The following ESRRB variants were observed in gnomAD, a reference collection of about 807,000 sequenced individuals.
ESRRB encodes the protein steroid hormone receptor ERR2.
ESRRB carries 16 observed loss-of-function variants against 46.0 expected under a neutral mutation model. The observed-to-expected ratio is 0.35, with a 90% CI of 0.24 to 0.53. ESRRB has a LOEUF of 0.53. Ranked by LOEUF, ESRRB falls within the 20% of genes least tolerant of loss-of-function variation. The pLI is 0.93. For synonymous variants in ESRRB, 246 were observed against 259.6 expected, an observed-to-expected ratio of 0.95 and a Z score of 0.50; for missense variants, 488 against 607.4, an observed-to-expected ratio of 0.80 and a Z score of 2.07.
intron 1 of ESRRB, among the ~76,000 whole-genome samples, chr14:76,413,984 G>T (rs1886564127): frequency 2.4e-5 from 1 of 41,632 alleles, no homozygotes; most frequent in Non-Finnish European, 4.3e-5. Context: ...CCCCTGCACC[G>T]TCCGCCGCCC....
intron 1 of ESRRB, among the ~76,000 whole-genome samples, chr14:76,329,868 T>G (rs1190783177): frequency 6.7e-6 from 1 of 150,216 alleles, no homozygotes; most frequent in African/African-American, 2.4e-5. Flanking sequence ...CGGCTAGGGA[T>G]GTGCGGGGGG....
rs372109902 is a variant in ESRRB at position 76,429,440 on chromosome 14, C to T, written c.51-9901C>T. 5.9e-5 allele frequency among the ~76,000 whole-genome samples: 9 copies of T among 152,238 alleles called. No individual in the cohort carries two copies. In the East Asian group the frequency reaches 1.5e-3, roughly 26 times the overall value. On this transcript the variant is annotated intron_variant, in intron 1 of 6. Transcript: ENST00000644823. ...ATCACACAGGAGTGATTAAAAAAAA[C>T]ACCATCTATTAATAAAATAGGCAGT...
chr14:76,459,556 G>A (rs73318395), intron 2 of ESRRB, among the ~76,000 whole-genome samples: 13,399 of 151,126 alleles, frequency 0.089, 693 homozygotes, highest in African/African-American at 0.14. Context: ...GCTGCAGAGA[G>A]AGGGTGGGCC....
chr14:76,488,471 A>G (rs1890100552), intron 5 of ESRRB, among the ~76,000 whole-genome samples: 1 of 152,188 alleles, frequency 6.6e-6, no homozygotes, highest in African/African-American at 2.4e-5. Flanking sequence ...CAAGATAGGC[A>G]AAGGCAGCTA....
At chr14:76,362,870 T>C (rs1234400464) in intron 1 of ESRRB, among the ~76,000 whole-genome samples, 1 of 152,218 alleles carries the variant, frequency 6.6e-6, no homozygotes, top group East Asian at 1.9e-4. Flanking sequence ...CAGTTTCAAC[T>C]GAAGAATGAC....
chr14:76,386,454 A>ATTT (rs10573960), intron 1 of ESRRB, among the ~76,000 whole-genome samples: 3 of 112,880 alleles, frequency 2.7e-5, no homozygotes, highest in Non-Finnish European at 3.6e-5. Flanking sequence ...CGGTTTTTTA[A>ATTT]TTTTTTTTTT....
intron 1 of ESRRB, among the ~76,000 whole-genome samples, chr14:76,420,349 G>A (rs1286929149): frequency 6.6e-6 from 1 of 152,148 alleles, no homozygotes; most frequent in Non-Finnish European, 1.5e-5. Flanking sequence ...CTGTCTCTAG[G>A]ACACACAGCT....
intron 1 of ESRRB, among the ~76,000 whole-genome samples, chr14:76,360,003 TA>T (rs1884443889): frequency 6.6e-6 from 1 of 152,040 alleles, no homozygotes; most frequent in Non-Finnish European, 1.5e-5. Context: ...CTGACTTCTG[TA>T]AAGGGGCATA....
intron 3 of ESRRB, among the ~76,000 whole-genome samples, chr14:76,468,716 G>A (rs982418189): frequency 1.3e-5 from 2 of 152,014 alleles, no homozygotes; most frequent in Non-Finnish European, 2.9e-5. Context: ...AATCATAATA[G>A]TGCCTATCTT....
At chr14:76,460,724 G>A (rs1372483730) in intron 2 of ESRRB, among the ~76,000 whole-genome samples, 2 of 77,022 alleles carry the variant, frequency 2.6e-5, no homozygotes, top group East Asian at 4.9e-4. Flanking sequence ...TTTTTGAGAC[G>A]GAGTTTTGCT....
chr14:76,341,937 G>A (rs1057195789), intron 1 of ESRRB, among the ~76,000 whole-genome samples: 4 of 152,216 alleles, frequency 2.6e-5, no homozygotes, highest in African/African-American at 7.2e-5. Flanking sequence ...GGAGTTGGAG[G>A]TGGTACTCTG....
chr14:76,495,067 TACAC>T (rs1448353222), intron 6 of ESRRB, among the ~76,000 whole-genome samples: 2 of 146,706 alleles, frequency 1.4e-5, no homozygotes, highest in African/African-American at 5.0e-5. Context: ...TGCACATACA[TACAC>T]ACCCACACAT....
intron 2 of ESRRB, among the ~76,000 whole-genome samples, chr14:76,441,676 C>T (rs1887929450): frequency 6.6e-6 from 1 of 152,172 alleles, no homozygotes; most frequent in African/African-American, 2.4e-5. Flanking sequence ...TTCAGTTAGT[C>T]AAGTATCTGT....
At chr14:76,377,264 A>G (rs1335546686) in intron 1 of ESRRB, among the ~76,000 whole-genome samples, 1 of 152,198 alleles carries the variant, frequency 6.6e-6, no homozygotes, top group Non-Finnish European at 1.5e-5. Flanking sequence ...GCGCGCCAAG[A>G]GCGCAGAGTG....
At chr14:76,315,790 T>C (rs1174658054) in intron 1 of ESRRB, among the ~76,000 whole-genome samples, 1 of 152,192 alleles carries the variant, frequency 6.6e-6, no homozygotes, top group African/African-American at 2.4e-5. Context: ...GGCTATTCCA[T>C]GAGGAAGCCC....
At chr14:76,362,222 G>C (rs1884472870) in intron 1 of ESRRB, among the ~76,000 whole-genome samples, 1 of 152,208 alleles carries the variant, frequency 6.6e-6, no homozygotes, top group African/African-American at 2.4e-5. Context: ...ACACTACCCT[G>C]CAGCAAGCCA....
intron 2 of ESRRB, among the ~76,000 whole-genome samples, chr14:76,455,525 G>A (rs555369019): frequency 1.3e-5 from 2 of 152,020 alleles, no homozygotes; most frequent in African/African-American, 2.4e-5. Flanking sequence ...TTCTTGACAT[G>A]TCCTTGACTT....
At chr14:76,449,782 C>T (rs75540856) in intron 2 of ESRRB, among the ~76,000 whole-genome samples, 21,570 of 121,622 alleles carry the variant, frequency 0.18, 2,622 homozygotes, top group African/African-American at 0.4. Context: ...TTTTTTTGGT[C>T]CTTGGGACAG....
At chr14:76,314,128 G>GAA (rs148714720) in intron 1 of ESRRB, among the ~76,000 whole-genome samples, 2 of 150,200 alleles carry the variant, frequency 1.3e-5, no homozygotes, top group Admixed American at 1.3e-4. Flanking sequence ...GGGCTGTTGG[G>GAA]AAAAAAAAAA....
Sources: allele counts gnomAD v4.1 joint callset (sites outside exome capture counted in the v4.1 genomes callset), GRCh38; gene constraint gnomAD v4.1.1; transcripts MANE v1.5; gene names NCBI Gene and HGNC (gene_info 2026-07-23, HGNC 2026-07-21).